PCDH15: variants seen among roughly 807,000 people sequenced by gnomAD.
PCDH15 encodes protocadherin-15.
PCDH15 carries 129 observed loss-of-function variants against 178.5 expected under a neutral mutation model. The ratio of observed to expected loss-of-function variants is 0.72; its 90% CI spans 0.63 to 0.84. The LOEUF (loss-of-function observed/expected upper bound fraction) is 0.84, where lower values mean the gene tolerates loss of function less well. Ranked by LOEUF, PCDH15 falls within the 40% of genes least tolerant of loss-of-function variation. The pLI is 0.00. For synonymous variants in PCDH15, 800 were observed against 732.0 expected, an observed-to-expected ratio of 1.09 and a Z score of -1.50; for missense variants, 2,230 against 2,099.9, an observed-to-expected ratio of 1.06 and a Z score of -1.21.
chr10:54,723,037 A>G (rs56327655), intron 1 of PCDH15, among the ~76,000 whole-genome samples: 18,504 of 151,676 alleles, frequency 0.12, 1,261 homozygotes, highest in African/African-American at 0.17. Context: ...ATAATTATAA[A>G]AAAAAAATCT....
chr10:53,865,265 A>G (rs1427058356), intron 27 of PCDH15, among the ~76,000 whole-genome samples: 2 of 152,230 alleles, frequency 1.3e-5, no homozygotes, highest in Non-Finnish European at 2.9e-5. Flanking sequence ...GTTAAATTTT[A>G]TATGATGTAC....
intron 29 of PCDH15, among the ~76,000 whole-genome samples, chr10:53,837,060 A>T (rs1295024705): frequency 1.3e-5 from 2 of 151,596 alleles, no homozygotes; most frequent in African/African-American, 4.9e-5. Context: ...AGTAAATATT[A>T]TTCACACTAA....
At chr10:54,474,236 T>C (rs1338513001) in intron 3 of PCDH15, among the ~76,000 whole-genome samples, 4 of 151,850 alleles carry the variant, frequency 2.6e-5, no homozygotes, top group Non-Finnish European at 5.9e-5. Context: ...AAAAATTAAG[T>C]TTAGAATGAT....
At chr10:55,272,256 T>G (rs966754665) in intron 1 of PCDH15, among the ~76,000 whole-genome samples, 10 of 151,938 alleles carry the variant, frequency 6.6e-5, no homozygotes, top group Admixed American at 6.6e-4. Context: ...AGATTTTTTT[T>G]TAGAATATGG....
chr10:55,072,283 C>T (rs1841767255), intron 2 of PCDH15, among the ~76,000 whole-genome samples: 1 of 151,950 alleles, frequency 6.6e-6, no homozygotes, highest in African/African-American at 2.4e-5. Flanking sequence ...CATAAAAATC[C>T]CTTCAAAAAA....
At chr10:54,756,056 A>AACAC (rs71014414) in intron 1 of PCDH15, among the ~76,000 whole-genome samples, 197 of 71,724 alleles carry the variant, frequency 2.7e-3, no homozygotes, top group East Asian at 0.016. Context: ...CTCTACTAAA[A>AACAC]ACACACACAC....
At chr10:54,513,241 GTTTATTTATTTATTTA>G (rs201541722) in intron 3 of PCDH15, among the ~76,000 whole-genome samples, 10 of 145,882 alleles carry the variant, frequency 6.9e-5, no homozygotes, top group South Asian at 4.4e-4. Context: ...ATTTATTTTT[GTTTATTTATTTATTTA>G]TTTATTTATT....
At chr10:53,953,693 T>C (rs1335364180) in intron 23 of PCDH15, among the ~76,000 whole-genome samples, 1 of 152,146 alleles carries the variant, frequency 6.6e-6, no homozygotes, top group Non-Finnish European at 1.5e-5. Flanking sequence ...TTTTATTGAG[T>C]ATAGGGTTGT....
intron 8 of PCDH15, among the ~76,000 whole-genome samples, chr10:54,302,362 A>G (rs1157157073): frequency 6.6e-6 from 1 of 152,218 alleles, no homozygotes; most frequent in Non-Finnish European, 1.5e-5. Context: ...CTAGACTGTA[A>G]GTTCCAGCTG....
intron 2 of PCDH15, among the ~76,000 whole-genome samples, chr10:55,399,462 A>G (rs1013435083): frequency 2.0e-5 from 3 of 152,336 alleles, no homozygotes; most frequent in Non-Finnish European, 4.4e-5. Context: ...TTTTAAAATT[A>G]ACAAAAACAC....
chr10:54,765,992 T>C (rs542086511), intron 1 of PCDH15, among the ~76,000 whole-genome samples: 8 of 152,282 alleles, frequency 5.3e-5, no homozygotes, highest in African/African-American at 1.4e-4. Context: ...GTTGTCTAAA[T>C]GGTAACACCA....
intron 2 of PCDH15, among the ~76,000 whole-genome samples, chr10:55,046,892 C>T (rs1026904705): frequency 6.6e-6 from 1 of 151,914 alleles, no homozygotes; most frequent in East Asian, 1.9e-4. Flanking sequence ...TAGATCACAT[C>T]TCAATACATT....
At chr10:54,771,989 T>G (rs1368015467) in intron 1 of PCDH15, among the ~76,000 whole-genome samples, 1 of 152,152 alleles carries the variant, frequency 6.6e-6, no homozygotes, top group African/African-American at 2.4e-5. Context: ...TGGAATTAAG[T>G]GCAATGCAAA....
chr10:54,488,769 A>C (rs1488654617), intron 3 of PCDH15, among the ~76,000 whole-genome samples: 1 of 151,948 alleles, frequency 6.6e-6, no homozygotes, highest in Non-Finnish European at 1.5e-5. Flanking sequence ...ACAGGAAGTC[A>C]TAGTTTTTGG....
At chr10:54,832,765 A>G (rs549638153) in intron 3 of PCDH15, among the ~76,000 whole-genome samples, 1 of 152,314 alleles carries the variant, frequency 6.6e-6, no homozygotes, top group South Asian at 2.1e-4. Flanking sequence ...AATATGACAA[A>G]AAACATTATC....
intron 26 of PCDH15, among the ~76,000 whole-genome samples, chr10:53,900,187 T>C: frequency 7.7e-6 from 1 of 129,180 alleles, no homozygotes; most frequent in East Asian, 2.7e-4. Context: ...ATAAACACAT[T>C]CTTTCTCTCT....
chr10:54,500,033 T>C (rs894253902), intron 3 of PCDH15, among the ~76,000 whole-genome samples: 1 of 151,992 alleles, frequency 6.6e-6, no homozygotes, highest in African/African-American at 2.4e-5. Context: ...AGCAAAGAAA[T>C]GGAATCAGCC....
chr10:54,962,453 T>C (rs1331275065), intron 2 of PCDH15, among the ~76,000 whole-genome samples: 1 of 151,578 alleles, frequency 6.6e-6, no homozygotes, highest in Admixed American at 6.6e-5. Flanking sequence ...AGAGAAGAGC[T>C]GGTGCCCTTC....
intron 2 of PCDH15, among the ~76,000 whole-genome samples, chr10:54,975,317 A>G (rs901429319): frequency 6.6e-6 from 1 of 152,194 alleles, no homozygotes; most frequent in Admixed American, 6.5e-5. Flanking sequence ...CTGTGTTTCA[A>G]CTACCTAATT....
Sources: gnomAD v4.1 joint callset for allele counts (sites outside exome capture counted in the v4.1 genomes callset) on GRCh38, gnomAD v4.1.1 for gene constraint, MANE v1.5 for transcripts, NCBI Gene and HGNC (gene_info 2026-07-23, HGNC 2026-07-21) for gene names.